THSD4: variants seen among roughly 807,000 people sequenced by gnomAD.
THSD4 encodes the protein thrombospondin type 1 domain containing 4.
Under a neutral mutation model 119.0 loss-of-function variants are expected in THSD4, and 69 were observed. The observed-to-expected ratio is 0.58, with a 90% CI of 0.48 to 0.71. The LOEUF (loss-of-function observed/expected upper bound fraction) is 0.71. Among genes scored for constraint, THSD4 ranks in the 30% least tolerant of loss-of-function variants. THSD4 has a pLI of 0.00. For synonymous variants in THSD4, 524 were observed against 540.4 expected (o/e 0.97, Z 0.42); for missense variants, 1,393 against 1,391.1 (o/e 1.00, Z -0.02).
At chr15:71,193,344 CACTTAA>C (rs1463460905) in intron 3 of THSD4, among the ~76,000 whole-genome samples, 1 of 152,138 alleles carries the variant, frequency 6.6e-6, no homozygotes, top group Non-Finnish European at 1.5e-5. Flanking sequence ...TTTTCACAAG[CACTTAA>C]ACTTGAACAG....
rs200545105 is a variant in THSD4, at chr15:71,626,843, AC to A, written c.1153-33686del. On this transcript the variant is annotated intron_variant, in intron 7 of 17. Coordinates refer to ENST00000261862, the MANE Select transcript of THSD4 (RefSeq NM_024817.3). The stretch of plus-strand genomic sequence containing the variant: ...TTCTTATCTAGCTCTGGAATCAAGG[AC>A]ATACTATGTCATTAAATGAGATGGG... Among the ~76,000 whole-genome samples the A allele has an allele frequency of 6.0e-3, 921 of 152,320 alleles. 7 individuals are homozygous for A. Among genetic ancestry groups the A allele is most frequent in the African/African-American group, 0.021 (891 of 41,568 alleles).
At chr15:71,341,002 ATGGTCTCCC>A (rs1223686193) in intron 6 of THSD4, among the ~76,000 whole-genome samples, 6 of 151,928 alleles carry the variant, frequency 3.9e-5, no homozygotes, top group Non-Finnish European at 7.4e-5. Flanking sequence ...TGTGCAGGTA[ATGGTCTCCC>A]CATTGTTTCC....
intron 6 of THSD4, chr15:71,341,485 C>G (rs771010306): frequency 2.9e-5 from 47 of 1,613,334 alleles, no homozygotes; most frequent in Non-Finnish European, 4.0e-5. Flanking sequence ...GTGTCCAGCC[C>G]CACTGCTTGG....
At chr15:71,229,560 G>A (rs1034286789) in intron 4 of THSD4, among the ~76,000 whole-genome samples, 1 of 152,122 alleles carries the variant, frequency 6.6e-6, no homozygotes, top group African/African-American at 2.4e-5. Flanking sequence ...AGGGAATAAT[G>A]ACAAGAAAAA....
chr15:71,757,518 C>A (rs6494966), intron 14 of THSD4, among the ~76,000 whole-genome samples: 3 of 186 alleles, frequency 0.016, no homozygotes, highest in Non-Finnish European at 0.042. Context: ...GTAGCCTCAA[C>A]CTCCTGGGCT....
At chr15:71,469,777 T>C (rs2047548034) in intron 7 of THSD4, among the ~76,000 whole-genome samples, 1 of 152,180 alleles carries the variant, frequency 6.6e-6, no homozygotes, top group South Asian at 2.1e-4. Flanking sequence ...TCTTAGTGTC[T>C]CCTGTGGCAC....
At chr15:71,106,477 G>A (rs1053257821) in intron 1 of THSD4, among the ~76,000 whole-genome samples, 2 of 152,102 alleles carry the variant, frequency 1.3e-5, no homozygotes, top group East Asian at 1.9e-4. Flanking sequence ...CTGGCCCCTG[G>A]TGGAGAAAAA....
At chr15:71,224,335 GT>G (rs2043997329) in intron 4 of THSD4, among the ~76,000 whole-genome samples, 1 of 152,160 alleles carries the variant, frequency 6.6e-6, no homozygotes, top group Non-Finnish European at 1.5e-5. Context: ...AATTCTTAGA[GT>G]AAGACAGTCC....
intron 8 of THSD4, among the ~76,000 whole-genome samples, chr15:71,670,461 TTC>T (rs1011608857): frequency 2.7e-4 from 41 of 151,482 alleles, no homozygotes; most frequent in African/African-American, 9.9e-4. Flanking sequence ...GTGCCACATT[TTC>T]TTTTTTTGTT....
At chr15:71,373,142 A>C (rs569286956) in intron 6 of THSD4, among the ~76,000 whole-genome samples, 1 of 152,358 alleles carries the variant, frequency 6.6e-6, no homozygotes, top group South Asian at 2.1e-4. Flanking sequence ...ATAGTTCATA[A>C]TTTCAGTCTT....
At chr15:71,212,537 C>G (rs1175645079) in intron 3 of THSD4, among the ~76,000 whole-genome samples, 1 of 152,196 alleles carries the variant, frequency 6.6e-6, no homozygotes, top group South Asian at 2.1e-4. Flanking sequence ...TAACTGAAAT[C>G]TCCAAATGTG....
intron 6 of THSD4, among the ~76,000 whole-genome samples, chr15:71,391,968 T>G (rs541258416): frequency 3.9e-5 from 6 of 152,284 alleles, no homozygotes; most frequent in African/African-American, 1.4e-4. Context: ...AGTCCTGAAA[T>G]GCAGCCAAAA....
intron 6 of THSD4, among the ~76,000 whole-genome samples, chr15:71,282,185 T>A (rs2044660798): frequency 6.6e-6 from 1 of 152,244 alleles, no homozygotes; most frequent in Non-Finnish European, 1.5e-5. Context: ...GAGTGTTTTT[T>A]ATTCAACTTT....
In THSD4 at chr15:71,737,951, G is replaced by C. The variant is rs199993875; in HGVS notation, c.1850G>C (p.Arg617Pro). 6.2e-7 allele frequency: 1 copy of C among 1,613,920 alleles called. No homozygotes were observed. Among genetic ancestry groups the C allele is most frequent in the Admixed American group, 1.7e-5 (1 of 59,998 alleles). The change falls in exon 11 of 18, where the codon CGG becomes CCG. Residue 617 changes from arginine to proline, a missense_variant. By Grantham distance (103) the Arg-to-Pro change is moderately radical (BLOSUM62 -2). Transcript: ENST00000261862. ...PPAPQPPRRS[R>P]DHNWKQLGTT... ...GCACCGCAGCCCCCACGGCGCAGCC[G>C]GGATCACAACTGGAAGCAGCTTGGG...
intron 8 of THSD4, among the ~76,000 whole-genome samples, chr15:71,692,064 C>T (rs954673848): frequency 3.3e-5 from 5 of 152,196 alleles, no homozygotes; most frequent in African/African-American, 1.2e-4. Context: ...TGGGTGTGTT[C>T]TCTATCCAAA....
In THSD4 at chr15:71,728,607, A is replaced by G. The variant is rs376760000; in HGVS notation, c.1416A>G (p.Pro472=). The G allele has an allele frequency of 5.0e-6, 8 of 1,614,114 alleles. No homozygotes were observed. The highest frequency in any genetic ancestry group is 2.7e-5 in the African/African-American group (2 of 74,936). ...IINGNWAIDR[P]GKYEGGGTMF... ...ATGGGAACTGGGCAATTGATCGACCAGGAAAATACGAGGGCGGAGGGACCA... is the reference window on the plus strand; with the variant it reads ...ATGGGAACTGGGCAATTGATCGACCGGGAAAATACGAGGGCGGAGGGACCA... The change falls in exon 9 of 18, where the codon CCA becomes CCG. Residue 472 remains proline, a synonymous_variant. Coordinates refer to ENST00000261862, the MANE Select transcript of THSD4 (RefSeq NM_024817.3).
Position 71,486,565 on chromosome 15 carries a change from T to C in THSD4, c.1152+74742T>C, listed in dbSNP as rs557698351. On this transcript the variant is annotated intron_variant, in intron 7 of 17. Coordinates refer to ENST00000261862, the MANE Select transcript of THSD4 (RefSeq NM_024817.3). Reference sequence around the variant, plus strand: ...TATCGCTCACATCTTACTGAAACTTTCATTGGAACTAGTTGTCTACCTCCC... The same window carrying C: ...TATCGCTCACATCTTACTGAAACTTCCATTGGAACTAGTTGTCTACCTCCC... 4.6e-5 allele frequency among the ~76,000 whole-genome samples: 7 copies of C among 152,132 alleles called. No individual in the cohort carries two copies. The East Asian group carries it at 1.2e-3, about 25-fold the overall frequency.
intron 6 of THSD4, among the ~76,000 whole-genome samples, chr15:71,402,503 G>T (rs1403867658): frequency 4.6e-5 from 7 of 152,182 alleles, no homozygotes; most frequent in African/African-American, 1.7e-4. Flanking sequence ...TGATGGATGT[G>T]GGAGGCAGGA....
At chr15:71,289,145 C>T (rs1246806150) in intron 6 of THSD4, among the ~76,000 whole-genome samples, 1 of 152,100 alleles carries the variant, frequency 6.6e-6, no homozygotes, top group Admixed American at 6.5e-5. Context: ...AAACTGTCCT[C>T]ATGTGGACAA....
Sources: allele counts gnomAD v4.1 joint callset (sites outside exome capture counted in the v4.1 genomes callset), GRCh38; gene constraint gnomAD v4.1.1; transcripts MANE v1.5; gene names NCBI Gene and HGNC (gene_info 2026-07-23, HGNC 2026-07-21).